TENM2: variants seen among roughly 807,000 people sequenced by gnomAD.
TENM2 encodes the protein teneurin transmembrane protein 2.
Under a neutral mutation model 245.2 loss-of-function variants are expected in TENM2, and 52 were observed. That is an observed-to-expected ratio of 0.21 (90% CI 0.17 to 0.27). The LOEUF (loss-of-function observed/expected upper bound fraction) is 0.27. Among genes scored for constraint, TENM2 ranks in the 10% least tolerant of loss-of-function variants. The pLI is 1.00. For synonymous variants in TENM2, 1,363 were observed against 1,438.9 expected (o/e 0.95, Z 1.19); for missense variants, 3,046 against 3,666.8 (o/e 0.83, Z 4.37).
the TENM2 span, among the ~76,000 whole-genome samples, chr5:166,999,205 TAGA>T: frequency 6.6e-6 from 1 of 152,044 alleles, no homozygotes; most frequent in Non-Finnish European, 1.5e-5. Context: ...GTGAAAGTGG[TAGA>T]AGTAGTGAGA....
At chr5:167,184,091 G>T in the TENM2 span, among the ~76,000 whole-genome samples, 1 of 152,200 alleles carries the variant, frequency 6.6e-6, no homozygotes. Flanking sequence ...CAAAAGAACA[G>T]ATTACTTGGT....
intron 2 of TENM2, among the ~76,000 whole-genome samples, chr5:167,536,709 T>C (rs1224638008): frequency 6.6e-6 from 1 of 152,056 alleles, no homozygotes; most frequent in Non-Finnish European, 1.5e-5. Context: ...GAGAGACTAT[T>C]TGTCTAGTTC....
the TENM2 span, among the ~76,000 whole-genome samples, chr5:167,001,557 C>A: frequency 4.7e-5 from 7 of 149,684 alleles, no homozygotes; most frequent in Admixed American, 1.3e-4. Context: ...AAAAAAAAAA[C>A]ATTAACAGTA....
intron 2 of TENM2, among the ~76,000 whole-genome samples, chr5:167,548,062 TC>T (rs1243165024): frequency 6.6e-6 from 1 of 152,342 alleles, no homozygotes; most frequent in Admixed American, 6.5e-5. Context: ...CCCAGACTTA[TC>T]ATTCCCCAGG....
intron 2 of TENM2, among the ~76,000 whole-genome samples, chr5:167,750,059 G>A (rs1198077621): frequency 2.0e-5 from 3 of 152,076 alleles, no homozygotes; most frequent in Non-Finnish European, 2.9e-5. Flanking sequence ...AAGGCATACC[G>A]GGGTGAACTG....
At chr5:168,044,511 G>GT (rs950309749) in intron 5 of TENM2, among the ~76,000 whole-genome samples, 1 of 152,102 alleles carries the variant, frequency 6.6e-6, no homozygotes, top group African/African-American at 2.4e-5. Context: ...CTGATTATGT[G>GT]TTTTTTAATT....
At chr5:167,893,394 A>G (rs1308942146) in intron 3 of TENM2, among the ~76,000 whole-genome samples, 1 of 152,202 alleles carries the variant, frequency 6.6e-6, no homozygotes, top group Admixed American at 6.5e-5. Flanking sequence ...ATATTGTAGT[A>G]GAAAATTCCT....
intron 5 of TENM2, among the ~76,000 whole-genome samples, chr5:168,018,004 A>G (rs1264358360): frequency 1.3e-5 from 2 of 152,172 alleles, no homozygotes; most frequent in Non-Finnish European, 2.9e-5. Flanking sequence ...CGGCCTCTGC[A>G]CTTCCACTGT....
the TENM2 span, among the ~76,000 whole-genome samples, chr5:167,278,728 T>C: frequency 6.6e-6 from 1 of 152,170 alleles, no homozygotes; most frequent in Non-Finnish European, 1.5e-5. Flanking sequence ...CCCCTATTTA[T>C]AATATAACTT....
At chr5:167,351,208 A>G (rs1251336260) in intron 1 of TENM2, among the ~76,000 whole-genome samples, 1 of 150,862 alleles carries the variant, frequency 6.6e-6, no homozygotes, top group Admixed American at 6.6e-5. Flanking sequence ...TATATATGGG[A>G]TATATATACA....
At chr5:167,350,724 T>G (rs918096138) in intron 1 of TENM2, among the ~76,000 whole-genome samples, 1 of 70,964 alleles carries the variant, frequency 1.4e-5, no homozygotes, top group Non-Finnish European at 3.2e-5. Flanking sequence ...ATATGGGATA[T>G]ATACATATGG....
chr5:167,637,323 T>A (rs1198302907), intron 2 of TENM2, among the ~76,000 whole-genome samples: 2 of 152,168 alleles, frequency 1.3e-5, no homozygotes. Flanking sequence ...ATTTGGTCCT[T>A]GAAGGTTGGG....
intron 1 of TENM2, among the ~76,000 whole-genome samples, chr5:167,351,344 T>C (rs1758901389): frequency 6.6e-6 from 1 of 152,144 alleles, no homozygotes; most frequent in Non-Finnish European, 1.5e-5. Flanking sequence ...CACCACCATC[T>C]TGAAGCCACA....
At chr5:167,013,276 T>C in the TENM2 span, among the ~76,000 whole-genome samples, 2 of 152,190 alleles carry the variant, frequency 1.3e-5, no homozygotes, top group African/African-American at 4.8e-5. Flanking sequence ...ACTTTCAATG[T>C]CCTTGACTTC....
chr5:167,229,843 G>T, the TENM2 span, among the ~76,000 whole-genome samples: 2 of 152,210 alleles, frequency 1.3e-5, no homozygotes, highest in Admixed American at 1.3e-4. Context: ...ATGTGCTGAG[G>T]CCCTGCTACA....
At chr5:168,128,860 C>T (rs1478095282) in intron 12 of TENM2, 4 of 152,198 alleles carry the variant, frequency 2.6e-5, no homozygotes, top group African/African-American at 9.7e-5. Context: ...ACAGGACACC[C>T]ACACCCATTC....
downstream of TENM2, chr5:168,263,860 AGT>A (rs1279128007): frequency 6.6e-6 from 1 of 152,636 alleles, no homozygotes; most frequent in African/African-American, 2.4e-5. Flanking sequence ...TAAAATTATT[AGT>A]GTGTTTGTTT....
At chr5:168,117,041 G>A (rs746176033) in intron 9 of TENM2, among the ~76,000 whole-genome samples, 3 of 152,126 alleles carry the variant, frequency 2.0e-5, no homozygotes, top group Admixed American at 6.5e-5. Flanking sequence ...AAACTGATGC[G>A]GAAATGAGAA....
At chr5:167,866,945 A>G (rs1249236710) in intron 2 of TENM2, among the ~76,000 whole-genome samples, 1 of 152,240 alleles carries the variant, frequency 6.6e-6, no homozygotes. Flanking sequence ...CACATGTCTT[A>G]AACACTAGGG....
Sources: allele counts gnomAD v4.1 joint callset (sites outside exome capture counted in the v4.1 genomes callset), GRCh38; gene constraint gnomAD v4.1.1; transcripts MANE v1.5; gene names NCBI Gene and HGNC (gene_info 2026-07-23, HGNC 2026-07-21).